GNA14: variants seen among roughly 807,000 people sequenced by gnomAD.
GNA14 encodes guanine nucleotide-binding protein subunit alpha-14.
A neutral mutation model predicts 42.0 loss-of-function variants in GNA14; 50 were observed. That is an observed-to-expected ratio of 1.19 (90% CI 0.95 to 1.51). The LOEUF is 1.51. Among genes scored for constraint, GNA14 ranks in the 40% most tolerant of loss-of-function variants. GNA14 has a pLI of 0.00. For synonymous variants in GNA14, 173 were observed against 163.1 expected (o/e 1.06, Z -0.46); for missense variants, 473 against 446.2 (o/e 1.06, Z -0.54).
At chr9:77,546,933 C>T (rs966006423) in intron 1 of GNA14, among the ~76,000 whole-genome samples, 1 of 152,164 alleles carries the variant, frequency 6.6e-6, no homozygotes, top group African/African-American at 2.4e-5. Context: ...AGGTAATTAT[C>T]GATAGCATCC....
At chr9:77,623,454 A>G (rs1220401306) in intron 1 of GNA14, among the ~76,000 whole-genome samples, 1 of 152,128 alleles carries the variant, frequency 6.6e-6, no homozygotes, top group Non-Finnish European at 1.5e-5. Context: ...TCAAACACAT[A>G]TTAATAATAC....
intron 1 of GNA14, among the ~76,000 whole-genome samples, chr9:77,536,403 T>G (rs1837599715): frequency 6.6e-6 from 1 of 152,126 alleles, no homozygotes; most frequent in Non-Finnish European, 1.5e-5. Flanking sequence ...CAGGCTGGAG[T>G]GCAGTCACAC....
At chr9:77,586,340 C>A (rs1312912820) in intron 1 of GNA14, among the ~76,000 whole-genome samples, 1 of 151,824 alleles carries the variant, frequency 6.6e-6, no homozygotes, top group Non-Finnish European at 1.5e-5. Flanking sequence ...TAAAAAAGGT[C>A]AAAAAATGGA....
chr9:77,496,618 G>C (rs1458792453), intron 2 of GNA14, among the ~76,000 whole-genome samples: 1 of 152,208 alleles, frequency 6.6e-6, no homozygotes, highest in Non-Finnish European at 1.5e-5. Flanking sequence ...GATCTGCCAA[G>C]AAAGAAGCAC....
In GNA14 at chr9:77,577,121, G is replaced by A. The variant is rs2131799471; in HGVS notation, c.125-47868C>T. On this transcript the variant is annotated intron_variant, in intron 1 of 6. Coordinates refer to ENST00000341700, the MANE Select transcript of GNA14 (RefSeq NM_004297.4). Reference sequence around the variant, plus strand: ...GGGCTTTAGGCTAGACACCAGAGGTGCTTGCTAATATGCAGATCCACAGAA... The same window carrying A: ...GGGCTTTAGGCTAGACACCAGAGGTACTTGCTAATATGCAGATCCACAGAA... Among the ~76,000 whole-genome samples the A allele has an allele frequency of 2.6e-5, 4 of 152,312 alleles. No homozygotes were observed. In the South Asian group the frequency reaches 8.3e-4, roughly 32 times the overall value.
intron 1 of GNA14, among the ~76,000 whole-genome samples, chr9:77,540,668 T>A (rs1341441579): frequency 6.6e-6 from 1 of 152,012 alleles, no homozygotes; most frequent in African/African-American, 2.4e-5. Flanking sequence ...TGGGAGCATA[T>A]ATATTTAAAG....
chr9:77,484,012 A>T (rs944673550), intron 2 of GNA14, among the ~76,000 whole-genome samples: 6 of 152,262 alleles, frequency 3.9e-5, no homozygotes, highest in African/African-American at 1.4e-4. Flanking sequence ...AGAATAAGAC[A>T]TTTAAGACAT....
intron 2 of GNA14, among the ~76,000 whole-genome samples, chr9:77,485,986 C>T (rs1165438604): frequency 6.6e-6 from 1 of 152,124 alleles, no homozygotes; most frequent in Non-Finnish European, 1.5e-5. Context: ...TTAATGTCTC[C>T]AGCTGCATTA....
At chr9:77,519,121 A>G (rs116753524) in intron 2 of GNA14, among the ~76,000 whole-genome samples, 1,722 of 152,288 alleles carry the variant, frequency 0.011, 36 homozygotes, top group African/African-American at 0.039. Flanking sequence ...TGATAAAACA[A>G]AAACAGAGGC....
intron 1 of GNA14, among the ~76,000 whole-genome samples, chr9:77,627,595 AAATT>A (rs1824029884): frequency 6.6e-6 from 1 of 152,230 alleles, no homozygotes; most frequent in African/African-American, 2.4e-5. Flanking sequence ...CAACATACGC[AAATT>A]AATAAATGTA....
chr9:77,470,770 G>T (rs907599496), intron 2 of GNA14, among the ~76,000 whole-genome samples: 4 of 152,134 alleles, frequency 2.6e-5, no homozygotes, highest in Non-Finnish European at 5.9e-5. Flanking sequence ...TGGCTGGGAG[G>T]CTTCAGGAGA....
intron 2 of GNA14, among the ~76,000 whole-genome samples, chr9:77,477,202 C>A (rs1383768825): frequency 6.6e-6 from 1 of 152,026 alleles, no homozygotes; most frequent in African/African-American, 2.4e-5. Flanking sequence ...ACTAAAAATA[C>A]AAAAATTAGC....
intron 2 of GNA14, among the ~76,000 whole-genome samples, 199 bp downstream of exon 2, chr9:77,528,870 G>A (rs1837482906): frequency 6.6e-6 from 1 of 152,030 alleles, no homozygotes; most frequent in Non-Finnish European, 1.5e-5. Flanking sequence ...GTAGCCTCAC[G>A]CTACCACCAT....
chr9:77,624,574 AAGAAGCTGCAAT>A (rs1823985037), intron 1 of GNA14, among the ~76,000 whole-genome samples: 2 of 152,180 alleles, frequency 1.3e-5, no homozygotes, highest in South Asian at 4.1e-4. Context: ...CAGAGGAAAG[AAGAAGCTGCAAT>A]CTTTGATGTT....
Position 77,494,103 on chromosome 9 carries a change from A to G in GNA14, c.309+34966T>C, listed in dbSNP as rs911421340. 2.6e-5 allele frequency among the ~76,000 whole-genome samples: 4 copies of G among 152,038 alleles called. No homozygotes were observed. The East Asian group carries it at 7.7e-4, about 29-fold the overall frequency. On this transcript the variant is annotated intron_variant, in intron 2 of 6. Transcript: ENST00000341700. ...GCCCGGCTAATTTTTTTTAATCTTT[A>G]GTAGAGACGGGGTTTCACCACGTTG...
At chr9:77,448,763 A>C (rs1161592844) in intron 2 of GNA14, among the ~76,000 whole-genome samples, 1 of 152,218 alleles carries the variant, frequency 6.6e-6, no homozygotes, top group Non-Finnish European at 1.5e-5. Flanking sequence ...ACTATGAAAA[A>C]AATATTGTCT....
intron 1 of GNA14, among the ~76,000 whole-genome samples, chr9:77,623,771 C>T (rs183170356): frequency 1.1e-4 from 17 of 152,296 alleles, no homozygotes; most frequent in Admixed American, 9.2e-4. Context: ...CTTCGGAACC[C>T]GCAGACCAGG....
intron 1 of GNA14, among the ~76,000 whole-genome samples, chr9:77,643,184 C>T (rs1158018000): frequency 6.6e-6 from 1 of 151,852 alleles, no homozygotes. Context: ...GATAAAGGAA[C>T]GTGGGCATAT....
intron 1 of GNA14, among the ~76,000 whole-genome samples, chr9:77,612,545 A>G (rs1315149086): frequency 6.6e-6 from 1 of 152,184 alleles, no homozygotes; most frequent in Non-Finnish European, 1.5e-5. Context: ...ATGTAAACAA[A>G]GACACAAGAG....
Sources: gnomAD v4.1 joint callset for allele counts (sites outside exome capture counted in the v4.1 genomes callset) on GRCh38, gnomAD v4.1.1 for gene constraint, MANE v1.5 for transcripts, NCBI Gene and HGNC (gene_info 2026-07-23, HGNC 2026-07-21) for gene names.